The following PRKCB variants were observed in gnomAD, a reference collection of about 807,000 sequenced individuals.
PRKCB encodes the protein protein kinase C beta type.
PRKCB carries 13 observed loss-of-function variants against 81.5 expected under a neutral mutation model. The ratio of observed to expected loss-of-function variants is 0.16; its 90% confidence interval spans 0.10 to 0.25. PRKCB has a LOEUF of 0.25. Among genes scored for constraint, PRKCB ranks in the 10% least tolerant of loss-of-function variants. PRKCB has a pLI of 1.00. For missense variants in PRKCB, 509 were observed against 875.7 expected, an observed-to-expected ratio of 0.58 and a Z score of 5.29; for synonymous variants, 335 against 321.4, an observed-to-expected ratio of 1.04 and a Z score of -0.45.
At chr16:23,956,998 A>G (rs1374423462) in intron 2 of PRKCB, among the ~76,000 whole-genome samples, 1 of 151,044 alleles carries the variant, frequency 6.6e-6, no homozygotes, top group Non-Finnish European at 1.5e-5. Context: ...AAAAAAAAAA[A>G]AAAAAAAAGA....
chr16:23,952,674 G>A (rs1029791560), intron 2 of PRKCB, among the ~76,000 whole-genome samples: 2 of 152,198 alleles, frequency 1.3e-5, no homozygotes, highest in African/African-American at 4.8e-5. Context: ...AGGCACTTCT[G>A]TTTTGTTCTT....
chr16:24,172,758 T>C (rs1463834363), intron 11 of PRKCB, among the ~76,000 whole-genome samples: 1 of 152,168 alleles, frequency 6.6e-6, no homozygotes, highest in Non-Finnish European at 1.5e-5. Context: ...AACTCAAAGC[T>C]CTAAAACCAC....
chr16:23,962,110 C>T (rs1262145562), intron 2 of PRKCB, among the ~76,000 whole-genome samples: 1 of 152,176 alleles, frequency 6.6e-6, no homozygotes, highest in East Asian at 1.9e-4. Flanking sequence ...ATGATTTCCA[C>T]TCCTGCCTGC....
chr16:24,121,248 A>G (rs11074606), intron 8 of PRKCB, among the ~76,000 whole-genome samples: 48,237 of 152,098 alleles, frequency 0.32, 8,438 homozygotes, highest in East Asian at 0.72. Context: ...TGGACACAGT[A>G]TGGAGGACCC....
intron 2 of PRKCB, among the ~76,000 whole-genome samples, chr16:23,868,484 T>A (rs746860498): frequency 6.6e-6 from 1 of 152,270 alleles, no homozygotes; most frequent in African/African-American, 2.4e-5. Flanking sequence ...ATTATCTTAT[T>A]TGATTTTCAC....
intron 2 of PRKCB, among the ~76,000 whole-genome samples, chr16:23,931,684 C>A (rs912716426): frequency 1.8e-4 from 28 of 151,934 alleles, no homozygotes; most frequent in Admixed American, 9.8e-4. Flanking sequence ...GTCAGGTGGT[C>A]GTTCTGGGAG....
At chr16:23,970,751 AC>A (rs1283622424) in intron 2 of PRKCB, among the ~76,000 whole-genome samples, 1 of 152,196 alleles carries the variant, frequency 6.6e-6, no homozygotes, top group African/African-American at 2.4e-5. Flanking sequence ...TGTTTGCTGA[AC>A]CCCTGTCTTG....
At chr16:24,177,584 A>T (rs145370040) in intron 12 of PRKCB, among the ~76,000 whole-genome samples, 1 of 152,354 alleles carries the variant, frequency 6.6e-6, no homozygotes, top group African/African-American at 2.4e-5. Flanking sequence ...AAGACCTTGA[A>T]TCAGAAACTA....
intron 1 of PRKCB, 123 bp downstream of exon 1, chr16:23,836,471 C>A: frequency 7.3e-7 from 1 of 1,371,802 alleles, no homozygotes; most frequent in Non-Finnish European, 9.7e-7. Context: ...CGTCTCCGGA[C>A]TCCCGGCTCC....
intron 2 of PRKCB, among the ~76,000 whole-genome samples, chr16:23,982,014 TCCCTTCCACTTCCCTTTCCCTTCA>T (rs1964729793): frequency 9.6e-6 from 1 of 104,362 alleles, no homozygotes; most frequent in African/African-American, 3.7e-5. Context: ...ACTTCCCCTT[TCCCTTCCACTTCCCTTTCCCTTCA>T]CCTTCCCCTT....
At chr16:23,885,601 C>T (rs2141112580) in intron 2 of PRKCB, among the ~76,000 whole-genome samples, 1 of 149,778 alleles carries the variant, frequency 6.7e-6, no homozygotes, top group East Asian at 1.9e-4. Flanking sequence ...GCCACTGTGC[C>T]TGGCCTATCC....
intron 5 of PRKCB, among the ~76,000 whole-genome samples, chr16:24,053,738 A>G (rs987678737): frequency 1.2e-4 from 18 of 152,132 alleles, no homozygotes; most frequent in Non-Finnish European, 1.0e-4. Context: ...AGGCACAGTA[A>G]CAGCTGGTGC....
At chr16:24,044,082 C>T (rs569433401) in intron 5 of PRKCB, among the ~76,000 whole-genome samples, 12 of 152,032 alleles carry the variant, frequency 7.9e-5, no homozygotes, top group South Asian at 2.1e-4. Context: ...AGGCCAGGCG[C>T]GGTGGCTCAC....
At chr16:23,959,098 C>T (rs1002303001) in intron 2 of PRKCB, among the ~76,000 whole-genome samples, 12 of 152,072 alleles carry the variant, frequency 7.9e-5, no homozygotes, top group Admixed American at 3.9e-4. Context: ...GTAGAGCAGC[C>T]GGCTCATTGT....
chr16:23,978,709 A>G (rs1209120514), intron 2 of PRKCB, among the ~76,000 whole-genome samples: 2 of 152,134 alleles, frequency 1.3e-5, no homozygotes, highest in African/African-American at 4.8e-5. Context: ...ATGCCGGGCT[A>G]AGCATTTTGA....
At position 24,119,662 on chromosome 16, in the gene PRKCB, G is replaced by A. The variant is rs138609014; in HGVS notation, c.919-4173G>A. 2.2e-3 allele frequency among the ~76,000 whole-genome samples: 333 copies of A among 152,190 alleles called. 3 individuals carry two copies. The highest frequency in any genetic ancestry group is 7.9e-3 in the African/African-American group (326 of 41,516). ...GGCCAGCTTGGGGGTGATGATTTAG[G>A]AGGGTGTGAGGACATAGCCCGAGAA... On this transcript the variant is annotated intron_variant, in intron 8 of 16. Coordinates refer to ENST00000643927, the MANE Select transcript of PRKCB (RefSeq NM_002738.7).
At chr16:23,965,144 T>C (rs1964471008) in intron 2 of PRKCB, among the ~76,000 whole-genome samples, 2 of 152,212 alleles carry the variant, frequency 1.3e-5, no homozygotes, top group South Asian at 4.1e-4. Context: ...TTTTTGATCC[T>C]CACCTTCCAC....
chr16:24,147,074 T>C (rs933673638), intron 9 of PRKCB, among the ~76,000 whole-genome samples: 11 of 152,004 alleles, frequency 7.2e-5, no homozygotes, highest in African/African-American at 1.9e-4. Context: ...TTTGGGAGGC[T>C]GAGGCGGGCG....
At chr16:23,971,882 C>A (rs1484993548) in intron 2 of PRKCB, among the ~76,000 whole-genome samples, 2 of 152,052 alleles carry the variant, frequency 1.3e-5, no homozygotes, top group Non-Finnish European at 2.9e-5. Flanking sequence ...CATAGAGTTA[C>A]AGTATGATAC....
Sources: gnomAD v4.1 joint callset for allele counts (sites outside exome capture counted in the v4.1 genomes callset) on GRCh38, gnomAD v4.1.1 for gene constraint, MANE v1.5 for transcripts, NCBI Gene and HGNC (gene_info 2026-07-23, HGNC 2026-07-21) for gene names.